Variants in RIMS2 observed in about 807,000 individuals in gnomAD.
RIMS2 encodes regulating synaptic membrane exocytosis 2.
A neutral mutation model predicts 174.4 loss-of-function variants in RIMS2; 59 were observed. That is an observed-to-expected ratio of 0.34 (90% CI 0.27 to 0.42). The LOEUF (loss-of-function observed/expected upper bound fraction) is 0.42, where lower values mean the gene tolerates loss of function less well. Among genes scored for constraint, RIMS2 ranks in the 10% least tolerant of loss-of-function variants. The pLI, the probability that RIMS2 is intolerant of heterozygous loss-of-function variation, is 1.00. For synonymous variants in RIMS2, 606 were observed against 572.5 expected, an observed-to-expected ratio of 1.06 and a Z score of -0.84; for missense variants, 1,620 against 1,666.3, an observed-to-expected ratio of 0.97 and a Z score of 0.48.
chr8:103,526,383 T>C (rs1436514592), intron 1 of RIMS2, among the ~76,000 whole-genome samples: 1 of 152,202 alleles, frequency 6.6e-6, no homozygotes, highest in East Asian at 1.9e-4. Context: ...AAATAATTTC[T>C]ACAGTTTTTA....
chr8:103,745,800 AGGTT>A (rs924491425), intron 2 of RIMS2, among the ~76,000 whole-genome samples: 8 of 152,142 alleles, frequency 5.3e-5, no homozygotes, highest in African/African-American at 1.9e-4. Flanking sequence ...TGTCCATTTA[AGGTT>A]GGGTTGTTGT....
chr8:104,117,135 A>T (rs981604155), intron 19 of RIMS2, among the ~76,000 whole-genome samples: 10 of 152,070 alleles, frequency 6.6e-5, no homozygotes, highest in African/African-American at 1.9e-4. Flanking sequence ...GATCACTGGA[A>T]CCCAAGAGTT....
At chr8:103,625,667 T>C (rs1255084835) in intron 1 of RIMS2, among the ~76,000 whole-genome samples, 4 of 151,974 alleles carry the variant, frequency 2.6e-5, no homozygotes, top group African/African-American at 9.7e-5. Context: ...AAGGGTACAA[T>C]GATGAAAAAA....
intron 1 of RIMS2, among the ~76,000 whole-genome samples, chr8:103,622,295 A>T (rs2095653920): frequency 6.6e-6 from 1 of 152,172 alleles, no homozygotes; most frequent in Admixed American, 6.5e-5. Context: ...ATTTTTCAGC[A>T]TCATCACTAT....
chr8:104,018,783 T>C (rs550461822), intron 19 of RIMS2, among the ~76,000 whole-genome samples: 3 of 152,236 alleles, frequency 2.0e-5, no homozygotes, highest in African/African-American at 7.2e-5. Flanking sequence ...CCATGATCAT[T>C]TTTTCCATTA....
chr8:104,127,556 A>G (rs1260621413), intron 19 of RIMS2, among the ~76,000 whole-genome samples: 1 of 152,130 alleles, frequency 6.6e-6, no homozygotes, highest in East Asian at 1.9e-4. Flanking sequence ...TCTCCCACTT[A>G]CTGTCTTGTG....
At chr8:104,067,088 C>G (rs539433448) in intron 19 of RIMS2, among the ~76,000 whole-genome samples, 1 of 152,152 alleles carries the variant, frequency 6.6e-6, no homozygotes, top group East Asian at 1.9e-4. Flanking sequence ...TTTTTAATCC[C>G]CTTTTCCTTT....
At chr8:103,724,964 C>T (rs1402472007) in intron 2 of RIMS2, among the ~76,000 whole-genome samples, 1 of 152,056 alleles carries the variant, frequency 6.6e-6, no homozygotes, top group Non-Finnish European at 1.5e-5. Context: ...ACCACCCCGG[C>T]TATAGACAGT....
intron 16 of RIMS2, among the ~76,000 whole-genome samples, chr8:103,984,425 T>C (rs1194855300): frequency 6.6e-6 from 1 of 152,100 alleles, no homozygotes; most frequent in Non-Finnish European, 1.5e-5. Context: ...AAAGAAGACA[T>C]ACAAATAGCA....
rs541307751 is a variant in RIMS2, at chr8:103,580,003, C to T, written c.176+78941C>T. The stretch of plus-strand genomic sequence containing the variant: ...GAACAGCAAGGGGGAAATCCGCCCC[C>T]GTGATCCAATCACCTCCCATCAGGT... On this transcript the variant is annotated intron_variant, in intron 1 of 23. Coordinates refer to ENST00000504942, the Ensembl canonical transcript of RIMS2. Among the ~76,000 whole-genome samples the T allele has an allele frequency of 1.9e-4, 29 of 152,244 alleles. 1 individual carries two copies. In the South Asian group the frequency reaches 3.7e-3, roughly 20 times the overall value.
intron 19 of RIMS2, among the ~76,000 whole-genome samples, chr8:104,049,421 A>G (rs1030093842): frequency 3.9e-5 from 6 of 152,242 alleles, no homozygotes; most frequent in Non-Finnish European, 7.4e-5. Context: ...CGGAGACTCC[A>G]TCTCAAAAAA....
chr8:103,964,533 G>A (rs1381109018), intron 15 of RIMS2, among the ~76,000 whole-genome samples: 1 of 152,010 alleles, frequency 6.6e-6, no homozygotes, highest in Admixed American at 6.6e-5. Flanking sequence ...TTATTGTTGA[G>A]TTTTAAGAGT....
chr8:103,739,684 A>C (rs1051630887), intron 2 of RIMS2, among the ~76,000 whole-genome samples: 1 of 152,148 alleles, frequency 6.6e-6, no homozygotes. Flanking sequence ...AGTCATTTGA[A>C]ATTAAGAGAA....
intron 19 of RIMS2, among the ~76,000 whole-genome samples, chr8:104,175,721 TAAAGA>T (rs550205117): frequency 1.3e-5 from 2 of 152,094 alleles, no homozygotes; most frequent in South Asian, 4.1e-4. Flanking sequence ...AAAGAACAAG[TAAAGA>T]AAAGTGTATC....
At chr8:104,166,090 A>T (rs1199326275) in intron 19 of RIMS2, among the ~76,000 whole-genome samples, 5 of 130,920 alleles carry the variant, frequency 3.8e-5, no homozygotes, top group Non-Finnish European at 7.8e-5. Flanking sequence ...TTTTTGAGAC[A>T]GAGTCTCGCT....
intron 1 of RIMS2, among the ~76,000 whole-genome samples, chr8:103,638,115 G>A (rs1295308715): frequency 6.6e-6 from 1 of 152,020 alleles, no homozygotes; most frequent in Non-Finnish European, 1.5e-5. Context: ...TTTCTCCACT[G>A]TAAAGTTATA....
At chr8:104,244,892 C>A in intron 19 of RIMS2, 24 bp from the exon 26 acceptor site, 1 of 1,603,284 alleles carries the variant, frequency 6.2e-7, no homozygotes, top group South Asian at 1.1e-5. Context: ...AAAGCTGTTA[C>A]ACTTTTTGTT....
At chr8:103,819,521 C>A in intron 3 of RIMS2, 2 of 1,612,392 alleles carry the variant, frequency 1.2e-6, no homozygotes, top group Non-Finnish European at 8.5e-7. Flanking sequence ...CAATTTGAGA[C>A]ATTGCGCCAG....
chr8:103,766,504 A>G (rs762548825), exon 3 of RIMS2: 12 of 1,613,454 alleles, frequency 7.4e-6, no homozygotes, highest in Non-Finnish European at 1.0e-5. Flanking sequence ...TCAGGCGTGA[A>G]GCATCACATT....
Sources: allele counts gnomAD v4.1 joint callset (sites outside exome capture counted in the v4.1 genomes callset), GRCh38; gene constraint gnomAD v4.1.1; transcripts MANE v1.5; gene names NCBI Gene and HGNC (gene_info 2026-07-23, HGNC 2026-07-21).